Variants in MELK observed in about 807,000 individuals in gnomAD.
MELK encodes the protein maternal embryonic leucine zipper kinase.
Under a neutral mutation model 85.0 loss-of-function variants are expected in MELK, and 81 were observed. The ratio of observed to expected loss-of-function variants is 0.95; its 90% confidence interval spans 0.80 to 1.15. The LOEUF is 1.15. MELK is among the 50% of genes most tolerant of loss of function. The pLI is 0.00. For missense variants in MELK, 754 were observed against 777.5 expected, an observed-to-expected ratio of 0.97 and a Z score of 0.36; for synonymous variants, 252 against 265.0, an observed-to-expected ratio of 0.95 and a Z score of 0.48.
At chr9:36,583,951 G>GT (rs1822540808) in intron 3 of MELK, among the ~76,000 whole-genome samples, 1 of 152,144 alleles carries the variant, frequency 6.6e-6, no homozygotes, top group African/African-American at 2.4e-5. Flanking sequence ...GCAGTCTGTA[G>GT]TCTGTAGGTG....
chr9:36,621,377 G>A (rs1046723544), intron 8 of MELK, among the ~76,000 whole-genome samples: 47 of 131,534 alleles, frequency 3.6e-4, no homozygotes, highest in African/African-American at 1.1e-3. Flanking sequence ...GTTTTATTCT[G>A]TTTCAGCTAT....
At chr9:36,584,296 C>A (rs924821572) in intron 3 of MELK, among the ~76,000 whole-genome samples, 2 of 146,890 alleles carry the variant, frequency 1.4e-5, no homozygotes, top group Non-Finnish European at 3.0e-5. Flanking sequence ...TGAGCCACCG[C>A]GCCCGGCCTC....
intron 16 of MELK, among the ~76,000 whole-genome samples, chr9:36,674,113 G>A (rs1026690976): frequency 6.6e-6 from 1 of 152,104 alleles, no homozygotes; most frequent in African/African-American, 2.4e-5. Context: ...AGAAACTATG[G>A]TTTTGTTTGA....
Position 36,601,663 on chromosome 9 carries a change from G to A in MELK, c.567+2177G>A, listed in dbSNP as rs145861038. On this transcript the variant is annotated intron_variant, in intron 7 of 17. Coordinates refer to ENST00000298048, the MANE Select transcript of MELK (RefSeq NM_014791.4). ...AATACAATCACATTGTTGTGCAACC[G>A]ACCTCCAGGGCTCTTTTAATTTTGC... 6.6e-5 allele frequency among the ~76,000 whole-genome samples: 10 copies of A among 152,218 alleles called. No homozygotes were observed. The East Asian group carries it at 1.3e-3, about 21-fold the overall frequency.
chr9:36,657,422 C>A, intron 13 of MELK, 59 bp downstream of exon 13: 1 of 1,517,798 alleles, frequency 6.6e-7, no homozygotes, highest in Non-Finnish European at 8.8e-7. Context: ...TAAAAACAAC[C>A]AGACTAATGT....
At chr9:36,619,963 A>C (rs1055003390) in intron 8 of MELK, among the ~76,000 whole-genome samples, 1 of 152,256 alleles carries the variant, frequency 6.6e-6, no homozygotes, top group African/African-American at 2.4e-5. Context: ...TTGTCACAAA[A>C]GTAATACTTA....
intron 8 of MELK, among the ~76,000 whole-genome samples, chr9:36,618,064 C>T (rs977369148): frequency 2.6e-5 from 4 of 151,522 alleles, no homozygotes; most frequent in Admixed American, 1.3e-4. Flanking sequence ...AGGAGTTCAA[C>T]GCTGCAGTGA....
Position 36,630,376 on chromosome 9 carries a change from T to A in MELK, c.735+9T>A, listed in dbSNP as rs1587496277. ...TTCAACAAATGCTGCAGGTAAACTT[T>A]ATTTTTAAATAATAGAAGTCTATTG... On this transcript the variant is annotated intron_variant, in intron 9 of 17. Coordinates refer to ENST00000298048, the MANE Select transcript of MELK (RefSeq NM_014791.4). 1.3e-6 allele frequency: 2 copies of A among 1,588,146 alleles called. No homozygotes were observed. The highest frequency in any genetic ancestry group is 1.7e-6 in the Non-Finnish European group (2 of 1,159,316).
intron 12 of MELK, among the ~76,000 whole-genome samples, chr9:36,652,456 G>A (rs894182054): frequency 6.6e-6 from 1 of 151,224 alleles, no homozygotes. Context: ...GCCAGGCCGG[G>A]TGTGGTGGCT....
chr9:36,639,924 G>A (rs1224291034), intron 10 of MELK, among the ~76,000 whole-genome samples: 1 of 152,198 alleles, frequency 6.6e-6, no homozygotes, highest in Non-Finnish European at 1.5e-5. Flanking sequence ...CTTGAGCAGT[G>A]TTGACATCAA....
At chr9:36,611,393 C>T (rs1477171394) in intron 8 of MELK, among the ~76,000 whole-genome samples, 1 of 152,104 alleles carries the variant, frequency 6.6e-6, no homozygotes, top group Non-Finnish European at 1.5e-5. Flanking sequence ...ATATTTAATC[C>T]TCACTAAAAT....
At chr9:36,658,089 G>A (rs1472849932) in intron 13 of MELK, among the ~76,000 whole-genome samples, 1 of 151,158 alleles carries the variant, frequency 6.6e-6, no homozygotes, top group Non-Finnish European at 1.5e-5. Context: ...CCCAACTCTC[G>A]GTGGCAATTG....
At chr9:36,661,788 T>A (rs1831841399) in intron 13 of MELK, among the ~76,000 whole-genome samples, 1 of 151,880 alleles carries the variant, frequency 6.6e-6, no homozygotes. Context: ...ATACAAAAAA[T>A]TAGCTGGGCA....
chr9:36,657,492 C>A, intron 13 of MELK, 129 bp downstream of exon 13: 2 of 983,570 alleles, frequency 2.0e-6, no homozygotes, highest in Non-Finnish European at 1.4e-6. Context: ...TGTTTATGAG[C>A]GATAACTGGA....
intron 8 of MELK, among the ~76,000 whole-genome samples, chr9:36,621,277 A>AAAAAAAAAAAAC (rs1827393375): frequency 2.6e-5 from 1 of 38,578 alleles, no homozygotes; most frequent in East Asian, 1.1e-3. Flanking sequence ...GTCTCAGGGA[A>AAAAAAAAAAAAC]AAAAAAAAAA....
intron 12 of MELK, 40 bp from the exon 13 acceptor site, chr9:36,657,201 G>A: frequency 3.2e-6 from 5 of 1,584,936 alleles, no homozygotes; most frequent in South Asian, 1.2e-5. Context: ...TTGAATCATA[G>A]TACTGTCATC....
At chr9:36,649,674 C>T (rs1830521275) in intron 11 of MELK, among the ~76,000 whole-genome samples, 2 of 151,836 alleles carry the variant, frequency 1.3e-5, no homozygotes, top group South Asian at 2.1e-4. Context: ...GACCCTGAGG[C>T]GAGAGGATTG....
chr9:36,663,995 T>C (rs1179037616), intron 13 of MELK, among the ~76,000 whole-genome samples: 1 of 152,256 alleles, frequency 6.6e-6, no homozygotes, highest in Non-Finnish European at 1.5e-5. Context: ...TCATTTTCTG[T>C]TTCCTTCAAC....
intron 8 of MELK, among the ~76,000 whole-genome samples, chr9:36,626,000 A>G (rs1386404024): frequency 6.6e-6 from 1 of 152,214 alleles, no homozygotes; most frequent in Non-Finnish European, 1.5e-5. Flanking sequence ...TCCAAAATGA[A>G]TGAAAGACAA....
Sources: gnomAD v4.1 joint callset for allele counts (sites outside exome capture counted in the v4.1 genomes callset) on GRCh38, gnomAD v4.1.1 for gene constraint, MANE v1.5 for transcripts, NCBI Gene and HGNC (gene_info 2026-07-23, HGNC 2026-07-21) for gene names.